Variants in NEGR1 observed in about 807,000 individuals in gnomAD.
NEGR1 encodes IgLON family member 4.
A neutral mutation model predicts 40.9 loss-of-function variants in NEGR1; 10 were observed. The observed-to-expected ratio is 0.24, with a 90% CI of 0.15 to 0.42. The LOEUF (loss-of-function observed/expected upper bound fraction) is 0.42. Ranked by LOEUF, NEGR1 falls within the 10% of genes least tolerant of loss-of-function variation. NEGR1 has a pLI of 1.00. For synonymous variants in NEGR1, 185 were observed against 166.8 expected (o/e 1.11, Z -0.84); for missense variants, 352 against 438.9 (o/e 0.80, Z 1.77).
chr1:71,660,606 C>A (rs1342068781), intron 4 of NEGR1, among the ~76,000 whole-genome samples: 3 of 152,132 alleles, frequency 2.0e-5, no homozygotes, highest in African/African-American at 7.2e-5. Context: ...GGCTCTGATT[C>A]TGAAAACAAA....
chr1:71,556,591 C>A (rs543983108), intron 6 of NEGR1, among the ~76,000 whole-genome samples: 1 of 150,930 alleles, frequency 6.6e-6, no homozygotes, highest in Non-Finnish European at 1.5e-5. Flanking sequence ...TTCATGCTGG[C>A]GACAATGTTT....
intron 2 of NEGR1, among the ~76,000 whole-genome samples, chr1:71,883,478 A>C (rs1660635855): frequency 2.6e-5 from 4 of 152,192 alleles, no homozygotes; most frequent in African/African-American, 9.6e-5. Context: ...TTGAACACAA[A>C]AATTCGACCA....
chr1:71,628,594 G>T (rs1650866534), intron 4 of NEGR1, among the ~76,000 whole-genome samples: 1 of 151,484 alleles, frequency 6.6e-6, no homozygotes, highest in Non-Finnish European at 1.5e-5. Context: ...GCCCCGTCGT[G>T]TGATATTCCC....
chr1:71,904,946 G>A (rs758000212), intron 2 of NEGR1, among the ~76,000 whole-genome samples: 1 of 152,014 alleles, frequency 6.6e-6, no homozygotes, highest in Non-Finnish European at 1.5e-5. Flanking sequence ...ATACAGACAC[G>A]TTAATCCAAT....
intron 1 of NEGR1, among the ~76,000 whole-genome samples, chr1:72,074,429 T>C (rs1451129245): frequency 6.6e-6 from 1 of 152,048 alleles, no homozygotes; most frequent in African/African-American, 2.4e-5. Context: ...ATATATCACA[T>C]ATATCAGTTG....
At chr1:72,099,100 T>C (rs1332590757) in intron 1 of NEGR1, among the ~76,000 whole-genome samples, 1 of 151,894 alleles carries the variant, frequency 6.6e-6, no homozygotes, top group Non-Finnish European at 1.5e-5. Context: ...AATAAGAAAA[T>C]TCATAATTAT....
chr1:72,093,553 T>C (rs1361614585), intron 1 of NEGR1, among the ~76,000 whole-genome samples: 1 of 152,206 alleles, frequency 6.6e-6, no homozygotes, highest in African/African-American at 2.4e-5. Context: ...TCCTGTAATG[T>C]CAGGTATTTA....
rs561807101 is a variant in NEGR1, at chr1:71,565,557, C to T, written c.940+27260G>A. Among the ~76,000 whole-genome samples, 5 of 152,242 alleles carry T rather than the reference C, an allele frequency of 3.3e-5. No homozygotes were observed. In the East Asian group the frequency reaches 7.7e-4, roughly 24 times the overall value. ...AAGAACTCAGGCCCTCTAAATAGGACAGAGCAACAAGTATTGGCATGCAGA... is the reference window on the plus strand; with the variant it reads ...AAGAACTCAGGCCCTCTAAATAGGATAGAGCAACAAGTATTGGCATGCAGA... On this transcript the variant is annotated intron_variant, in intron 6 of 6. Coordinates refer to ENST00000357731, the MANE Select transcript of NEGR1 (RefSeq NM_173808.3).
Position 71,690,721 on chromosome 1 carries a change from C to T in NEGR1, c.667+7287G>A, listed in dbSNP as rs989506495. Among the ~76,000 whole-genome samples the T allele has an allele frequency of 5.0e-5, 7 of 141,068 alleles. No homozygotes were observed. The South Asian group carries it at 7.1e-4, about 14-fold the overall frequency. 92.5% of individuals were successfully genotyped at this position (141,068 alleles called of 152,430 possible). Reference sequence around the variant, plus strand: ...GACTTTGACTTTATCACTTTTCTTCCGTTTGGCGTGGAGTCATTTTCAACC... The same window carrying T: ...GACTTTGACTTTATCACTTTTCTTCTGTTTGGCGTGGAGTCATTTTCAACC... On this transcript the variant is annotated intron_variant, in intron 4 of 6. Transcript: ENST00000357731.
rs1649775776 is a variant in NEGR1 at position 71,597,823 on chromosome 1, G to A, written c.789-4855C>T. On this transcript the variant is annotated intron_variant, in intron 5 of 6. Transcript: ENST00000357731. The stretch of plus-strand genomic sequence containing the variant: ...TGCTACTCGGAGGGCTGAGGCAGGA[G>A]AATTGCTTGAATCCAGGAGGCGGAG... Among the ~76,000 whole-genome samples, 3 of 151,956 alleles carry A rather than the reference G, an allele frequency of 2.0e-5. 1 individual carries two copies. Among genetic ancestry groups the A allele is most frequent in the South Asian group, 4.2e-4 (2 of 4,818 alleles).
chr1:71,849,743 C>T (rs188920483), intron 2 of NEGR1, among the ~76,000 whole-genome samples: 1 of 152,270 alleles, frequency 6.6e-6, no homozygotes, highest in East Asian at 1.9e-4. Flanking sequence ...CAACCACCCC[C>T]CATCAACATG....
At chr1:72,238,982 T>G (rs1445532128) in intron 1 of NEGR1, among the ~76,000 whole-genome samples, 4 of 151,816 alleles carry the variant, frequency 2.6e-5, no homozygotes, top group Admixed American at 6.6e-5. Context: ...CTTCATTGTA[T>G]TTTTCCTTCC....
chr1:72,059,330 G>A (rs558306829), intron 1 of NEGR1, among the ~76,000 whole-genome samples: 1 of 151,530 alleles, frequency 6.6e-6, no homozygotes, highest in Non-Finnish European at 1.5e-5. Flanking sequence ...CCCTCATGCT[G>A]CAGACCCTCC....
chr1:71,570,309 A>G (rs182578220), intron 6 of NEGR1, among the ~76,000 whole-genome samples: 2 of 152,342 alleles, frequency 1.3e-5, no homozygotes, highest in East Asian at 3.9e-4. Context: ...GTACTCCTGT[A>G]GAACTATAAA....
At chr1:71,558,354 A>G (rs1648323637) in intron 6 of NEGR1, among the ~76,000 whole-genome samples, 3 of 151,552 alleles carry the variant, frequency 2.0e-5, no homozygotes, top group Non-Finnish European at 3.0e-5. Context: ...CTGATATCCT[A>G]TTTCTCTTTA....
At chr1:71,699,201 A>G (rs1350803558) in intron 3 of NEGR1, among the ~76,000 whole-genome samples, 1 of 151,946 alleles carries the variant, frequency 6.6e-6, no homozygotes, top group Non-Finnish European at 1.5e-5. Flanking sequence ...AGAACTAGTA[A>G]GAATGTTCCA....
intron 2 of NEGR1, among the ~76,000 whole-genome samples, chr1:71,823,509 C>T (rs1364411651): frequency 6.6e-6 from 1 of 151,864 alleles, no homozygotes; most frequent in Admixed American, 6.6e-5. Flanking sequence ...TTTGCATTTC[C>T]AGGTGATCCT....
chr1:71,971,967 G>A (rs1646260217), intron 1 of NEGR1, among the ~76,000 whole-genome samples: 2 of 152,124 alleles, frequency 1.3e-5, no homozygotes, highest in African/African-American at 4.8e-5. Context: ...TAATTCTCTT[G>A]AGACTGTTTT....
In NEGR1 at chr1:72,032,808, T is replaced by G. The variant is rs553230016; in HGVS notation, c.177-97497A>C. Among the ~76,000 whole-genome samples, 10 of 152,216 alleles carry G rather than the reference T, an allele frequency of 6.6e-5. 1 individual carries two copies. In the South Asian group the frequency reaches 2.1e-3, roughly 32 times the overall value. On this transcript the variant is annotated intron_variant, in intron 1 of 6. Transcript: ENST00000357731. ...AATCTTGGTGAGGTCACTTCCTAGG[T>G]GAGTAGACTCCAGCAATTTAGTTAA... is the stretch of plus-strand genomic sequence containing the variant.
Sources: allele counts gnomAD v4.1 joint callset (sites outside exome capture counted in the v4.1 genomes callset), GRCh38; gene constraint gnomAD v4.1.1; transcripts MANE v1.5; gene names NCBI Gene and HGNC (gene_info 2026-07-23, HGNC 2026-07-21).